MCCC2: variants seen among roughly 807,000 people sequenced by gnomAD.
MCCC2 encodes the protein methylcrotonoyl-CoA carboxylase beta chain, mitochondrial.
MCCC2 carries 52 observed loss-of-function variants against 77.2 expected under a neutral mutation model. The ratio of observed to expected loss-of-function variants is 0.67; its 90% CI spans 0.54 to 0.85. The LOEUF is 0.85. MCCC2 is among the 40% of genes least tolerant of loss of function. MCCC2 has a pLI of 0.00. For synonymous variants in MCCC2, 253 were observed against 248.4 expected (o/e 1.02, Z -0.18); for missense variants, 682 against 703.2 (o/e 0.97, Z 0.34).
In MCCC2 at chr5:71,656,818, C is replaced by T. The variant is rs200915932; in HGVS notation, c.1650C>T (p.Asn550=). Residue 550 remains asparagine, a synonymous_variant, in exon 17 of 17, where the codon AAC becomes AAT. Coordinates refer to ENST00000340941, the MANE Select transcript of MCCC2 (RefSeq NM_022132.5). ...GTCTCAGTTTTAGTGCAGCCCTCAA[C>T]GCACCAATAGAGAAGACTGACTTCG... ...VLGLSFSAAL[N]APIEKTDFGI... is the part of the protein sequence containing the mutation. The T allele has an allele frequency of 2.0e-5, 33 of 1,613,920 alleles. No homozygotes were observed. The highest frequency in any genetic ancestry group is 8.0e-5 in the African/African-American group (6 of 74,896).
At position 71,657,386 on chromosome 5, in the gene MCCC2, C is replaced by T. The variant is rs181669670; in HGVS notation, c.*526C>T. 3.0e-3 allele frequency: 469 copies of T among 155,086 alleles called. 2 individuals are homozygous for T. The highest frequency in any genetic ancestry group is 0.01 in the African/African-American group (424 of 41,496). The allele number at this position is 155,086 out of a possible 1,614,324, so 9.6% of individuals were successfully genotyped here. Reference sequence around the variant, plus strand: ...TGAAACTATACCATTCAAACAACAGCGCTCCCCATTTCCCCCTCCCCCGAG... The same window carrying T: ...TGAAACTATACCATTCAAACAACAGTGCTCCCCATTTCCCCCTCCCCCGAG... On this transcript the variant is annotated 3_prime_UTR_variant, in exon 17 of 17. Coordinates refer to ENST00000340941, the MANE Select transcript of MCCC2 (RefSeq NM_022132.5).
chr5:71,649,250 A>G lies in MCCC2; in HGVS notation c.1370A>G (p.Tyr457Cys). ...AACTATGGGATGTGTGGCAGAGCAT[A>G]TAGGTAGGTGTCATGATTTTCTCTG... Reference protein sequence around the residue: ...AGNYGMCGRAYSPRFLYIWPN... With the variant: ...AGNYGMCGRACSPRFLYIWPN... Residue 457 changes from tyrosine to cysteine, a missense_variant, in exon 14 of 17, where the codon TAT becomes TGT. Tyr to Cys is a radical substitution (Grantham distance 194). Transcript: ENST00000340941. The G allele has an allele frequency of 1.2e-6, 2 of 1,613,590 alleles. No individual in the cohort carries two copies. The highest frequency in any genetic ancestry group is 1.1e-5 in the South Asian group (1 of 91,076).
chr5:71,654,557 G>GC (rs913862495), intron 16 of MCCC2, among the ~76,000 whole-genome samples: 1 of 149,318 alleles, frequency 6.7e-6, no homozygotes, highest in Non-Finnish European at 1.5e-5. Context: ...CTTTTCTATA[G>GC]TTTTTTTTTT....
rs186944451 is a variant in MCCC2 at position 71,648,088 on chromosome 5, G to T, written c.1217-1009G>T. On this transcript the variant is annotated intron_variant, in intron 13 of 16. Transcript: ENST00000340941. ...CAGCTGAGTAGGATAGCTGCAGGAA[G>T]CAGATGGTGCCAAGTAAAGGGCTGT... is the stretch of plus-strand genomic sequence containing the variant. Among the ~76,000 whole-genome samples, 58 of 152,342 alleles carry T rather than the reference G, an allele frequency of 3.8e-4. 1 individual carries two copies. The highest frequency in any genetic ancestry group is 1.3e-3 in the African/African-American group (53 of 41,574).
intron 10 of MCCC2, among the ~76,000 whole-genome samples, chr5:71,638,324 T>A (rs473122): frequency 0.22 from 33,530 of 152,132 alleles, 4,140 homozygotes; most frequent in Middle Eastern, 0.36. Flanking sequence ...AAGTTACCCA[T>A]GAGGGTTGGA....
At position 71,626,654 on chromosome 5, in the gene MCCC2, G is replaced by A; in HGVS notation, c.639G>A (p.Met213Ile). ...TTGGATTCCAGATCGCAGTGGTCAT[G>A]GGCTCCTGCACCGCAGGAGGAGCCT... ...SKNIAQIAVV[M>I]GSCTAGGAYV... Residue 213 changes from methionine to isoleucine, a missense_variant, in exon 7 of 17, where the codon ATG becomes ATA. Transcript: ENST00000340941. The A allele has an allele frequency of 6.2e-7, 1 of 1,613,170 alleles. No homozygotes were observed. Among genetic ancestry groups the A allele is most frequent in the Non-Finnish European group, 8.5e-7 (1 of 1,179,224 alleles).
At chr5:71,600,823 G>T (rs191564950) in intron 4 of MCCC2, among the ~76,000 whole-genome samples, 1 of 152,190 alleles carries the variant, frequency 6.6e-6, no homozygotes, top group Non-Finnish European at 1.5e-5. Context: ...CTGACTTGCT[G>T]TGTGTCAGCT....
chr5:71,627,379 A>G (rs1180295069), intron 7 of MCCC2, among the ~76,000 whole-genome samples: 2 of 152,168 alleles, frequency 1.3e-5, no homozygotes, highest in Non-Finnish European at 1.5e-5. Flanking sequence ...GTTGGATCAT[A>G]TGGAATTCTA....
intron 7 of MCCC2, among the ~76,000 whole-genome samples, chr5:71,627,563 G>GTTTT (rs1746574102): frequency 6.6e-6 from 1 of 152,186 alleles, no homozygotes; most frequent in Non-Finnish European, 1.5e-5. Context: ...GCATGGAAAT[G>GTTTT]TTTTTATTTC....
chr5:71,596,088 T>A (rs1745175453), intron 2 of MCCC2, among the ~76,000 whole-genome samples, 192 bp from the exon 3 acceptor site: 1 of 152,102 alleles, frequency 6.6e-6, no homozygotes, highest in Admixed American at 6.6e-5. Flanking sequence ...GATTTTTTTT[T>A]AATACCAGTT....
At chr5:71,606,903 G>A (rs1384618468) in intron 6 of MCCC2, among the ~76,000 whole-genome samples, 1 of 151,106 alleles carries the variant, frequency 6.6e-6, no homozygotes, top group East Asian at 1.9e-4. Flanking sequence ...TATTGAACCA[G>A]CCTTGCATCC....
intron 1 of MCCC2, among the ~76,000 whole-genome samples, chr5:71,592,208 C>A (rs1029876177): frequency 6.6e-6 from 1 of 152,096 alleles, no homozygotes; most frequent in East Asian, 1.9e-4. Flanking sequence ...TGGCGAAACC[C>A]GGTCTCTATT....
chr5:71,640,490 G>C (rs1048319547), intron 10 of MCCC2, among the ~76,000 whole-genome samples: 2 of 149,708 alleles, frequency 1.3e-5, no homozygotes, highest in African/African-American at 4.9e-5. Flanking sequence ...ATGTCAGCAT[G>C]ATTTTTGTAG....
chr5:71,651,213 GTTCT>G (rs1238706624), intron 15 of MCCC2, among the ~76,000 whole-genome samples: 5 of 152,164 alleles, frequency 3.3e-5, no homozygotes, highest in South Asian at 2.1e-4. Context: ...GCAGAATTTT[GTTCT>G]TTCTATTTTA....
At chr5:71,620,661 C>T (rs2112393473) in intron 6 of MCCC2, among the ~76,000 whole-genome samples, 1 of 152,234 alleles carries the variant, frequency 6.6e-6, no homozygotes, top group East Asian at 1.9e-4. Flanking sequence ...TAGGCAAGAC[C>T]TAGAGGGTAA....
chr5:71,630,043 C>T (rs899364889), intron 7 of MCCC2, among the ~76,000 whole-genome samples: 34 of 152,080 alleles, frequency 2.2e-4, no homozygotes, highest in African/African-American at 8.2e-4. Flanking sequence ...TTAACTTGTA[C>T]CTTATAAAGA....
chr5:71,641,011 T>C lies in MCCC2; in HGVS notation c.1008T>C (p.Ala336=), dbSNP rs773723814. ...KRSFDVREVI[A]RIVDGSRFTE... ...GTTGTTTTTCCTCTTAGGTCATTGC[T>C]AGAATCGTGGATGGAAGCAGATTCA... The change falls in exon 11 of 17, where the codon GCT becomes GCC. Residue 336 remains alanine (A), a synonymous_variant. Coordinates refer to ENST00000340941, the MANE Select transcript of MCCC2 (RefSeq NM_022132.5). 6.2e-7 allele frequency: 1 copy of C among 1,614,064 alleles called. No individual in the cohort carries two copies. Among genetic ancestry groups the C allele is most frequent in the Non-Finnish European group, 8.5e-7 (1 of 1,179,920 alleles).
intron 7 of MCCC2, among the ~76,000 whole-genome samples, chr5:71,627,166 A>G (rs1746560767): frequency 6.6e-6 from 1 of 152,236 alleles, no homozygotes; most frequent in Non-Finnish European, 1.5e-5. Context: ...AGCAGATGTC[A>G]GAGTGCCCTT....
chr5:71,590,533 T>G (rs1744931563), intron 1 of MCCC2, among the ~76,000 whole-genome samples: 1 of 152,212 alleles, frequency 6.6e-6, no homozygotes, highest in Non-Finnish European at 1.5e-5. Flanking sequence ...AGGATACTTT[T>G]GGGCCAGGCA....
Sources: gnomAD v4.1 joint callset for allele counts (sites outside exome capture counted in the v4.1 genomes callset) on GRCh38, gnomAD v4.1.1 for gene constraint, MANE v1.5 for transcripts, NCBI Gene and HGNC (gene_info 2026-07-23, HGNC 2026-07-21) for gene names.